The following PLCG2 variants were observed in gnomAD, a reference collection of about 807,000 sequenced individuals.
PLCG2 encodes phospholipase C gamma 2.
PLCG2 carries 69 observed loss-of-function variants against 175.6 expected under a neutral mutation model. That is an observed-to-expected ratio of 0.39 (90% CI 0.32 to 0.48). The LOEUF is 0.48. PLCG2 is among the 20% of genes least tolerant of loss of function. PLCG2 has a pLI of 0.91. For missense variants in PLCG2, 1,798 were observed against 1,650.9 expected (o/e 1.09, Z -1.54); for synonymous variants, 827 against 624.0 (o/e 1.33, Z -4.85).
intron 2 of PLCG2, among the ~76,000 whole-genome samples, chr16:81,853,442 C>T (rs986160396): frequency 7.2e-5 from 11 of 152,142 alleles, no homozygotes; most frequent in African/African-American, 2.2e-4. Context: ...TGACCAGTTT[C>T]ATAGAAGACA....
chr16:81,913,257 C>T (rs1460928116), intron 19 of PLCG2, among the ~76,000 whole-genome samples: 1 of 152,224 alleles, frequency 6.6e-6, no homozygotes, highest in African/African-American at 2.4e-5. Flanking sequence ...CCTACTGTCC[C>T]TCCATCTCCC....
intron 23 of PLCG2, among the ~76,000 whole-genome samples, 193 bp from the exon 24 acceptor site, chr16:81,928,365 C>G (rs867932237): frequency 4.6e-5 from 7 of 152,144 alleles, no homozygotes; most frequent in Admixed American, 2.0e-4. Flanking sequence ...TCCTGGCACC[C>G]TCTCCCCGCC....
chr16:81,821,576 C>T (rs983982357), intron 2 of PLCG2, among the ~76,000 whole-genome samples: 1 of 152,084 alleles, frequency 6.6e-6, no homozygotes, highest in African/African-American at 2.4e-5. Context: ...CTGCTCAGTG[C>T]TGGCCCTACT....
chr16:81,837,748 T>G, intron 2 of PLCG2, among the ~76,000 whole-genome samples: 1 of 151,460 alleles, frequency 6.6e-6, no homozygotes, highest in Non-Finnish European at 1.5e-5. Context: ...TTTGTTGAGA[T>G]AATTGAAGAA....
At chr16:81,920,807 C>G (rs1024224578) in intron 20 of PLCG2, among the ~76,000 whole-genome samples, 1 of 152,150 alleles carries the variant, frequency 6.6e-6, no homozygotes, top group African/African-American at 2.4e-5. Flanking sequence ...GTAAATACTT[C>G]CATGGAGGTC....
At chr16:81,790,914 G>T (rs1447982556) in intron 2 of PLCG2, among the ~76,000 whole-genome samples, 1 of 152,128 alleles carries the variant, frequency 6.6e-6, no homozygotes, top group South Asian at 2.1e-4. Flanking sequence ...AGGACAGTCC[G>T]CACCACAGAG....
intron 2 of PLCG2, among the ~76,000 whole-genome samples, chr16:81,790,979 A>T (rs1002629884): frequency 6.6e-6 from 1 of 152,214 alleles, no homozygotes; most frequent in Non-Finnish European, 1.5e-5. Flanking sequence ...CTCTAGAGTC[A>T]TGTGTTTGCT....
At chr16:81,919,374 C>G in intron 19 of PLCG2, 110 bp from the exon 20 acceptor site, 1 of 766,526 alleles carries the variant, frequency 1.3e-6, no homozygotes, top group South Asian at 1.7e-5. Flanking sequence ...TTTATTTACC[C>G]ACTTCTCTAA....
chr16:81,905,370 T>C (rs779237171), intron 14 of PLCG2, 33 bp from the exon 15 acceptor site: 35 of 1,520,830 alleles, frequency 2.3e-5, no homozygotes, highest in Middle Eastern at 3.4e-4. Context: ...TGGGTCTCCA[T>C]GGAGACAGCC....
At position 81,958,020 on chromosome 16, in the gene PLCG2, G is replaced by C. The variant is rs780306942; in HGVS notation, c.*22G>C. The C allele has an allele frequency of 6.4e-7, 1 of 1,570,932 alleles. No individual in the cohort carries two copies. The highest frequency in any genetic ancestry group is 1.1e-5 in the South Asian group (1 of 90,224). On this transcript the variant is annotated 3_prime_UTR_variant, in exon 33 of 33. Transcript: ENST00000564138. ...ATAGAAGCTGGGGTATGTGTGTAAG[G>C]GTATTGTGTGTGTGCGCATGTGTGT... is the stretch of plus-strand genomic sequence containing the variant.
In PLCG2 at chr16:81,924,847, T is replaced by G. The variant is rs147984797; in HGVS notation, c.2417+1253T>G. ...TCCCCTTGGAGGCTCCCAGACCCAG[T>G]TGGGCAACCACAGTGTTGTCCGTCT... On this transcript the variant is annotated intron_variant, in intron 22 of 32. Transcript: ENST00000564138. Among the ~76,000 whole-genome samples, 6 of 152,356 alleles carry G rather than the reference T, an allele frequency of 3.9e-5. No individual in the cohort carries two copies. In the South Asian group the frequency reaches 1.2e-3, roughly 32 times the overall value.
chr16:81,844,926 A>C (rs1286681943), intron 2 of PLCG2, among the ~76,000 whole-genome samples: 3 of 152,042 alleles, frequency 2.0e-5, no homozygotes, highest in Non-Finnish European at 2.9e-5. Flanking sequence ...AAATTGAGAC[A>C]CCATGTTCTT....
At chr16:81,854,692 A>G (rs141406568) in intron 3 of PLCG2, 105 bp downstream of exon 3, 2 of 1,029,984 alleles carry the variant, frequency 1.9e-6, no homozygotes, top group African/African-American at 1.6e-5. Context: ...ACTGATGTGT[A>G]TTTGGGGTCA....
intron 25 of PLCG2, among the ~76,000 whole-genome samples, chr16:81,932,127 A>T (rs1007490636): frequency 3.3e-5 from 5 of 152,074 alleles, no homozygotes; most frequent in African/African-American, 1.2e-4. Flanking sequence ...TCCCCTCTAG[A>T]TGGGAGTGAC....
intron 7 of PLCG2, among the ~76,000 whole-genome samples, chr16:81,871,587 C>A (rs1180401192): frequency 2.0e-5 from 3 of 152,208 alleles, no homozygotes; most frequent in African/African-American, 7.2e-5. Context: ...ATCGGCCCGC[C>A]TCCACTTCCT....
At chr16:81,766,956 C>T (rs1910163796) in intron 2 of PLCG2, 1 of 152,082 alleles carries the variant, frequency 6.6e-6, no homozygotes, top group African/African-American at 2.4e-5. Context: ...GTAGCTCCCC[C>T]TTATCCCCAG....
chr16:81,921,578 C>A, intron 21 of PLCG2: 1 of 389,360 alleles, frequency 2.6e-6, no homozygotes, highest in South Asian at 2.2e-5. Flanking sequence ...CTGACAGAGC[C>A]TGTGGTGTTT....
At chr16:81,828,408 T>G (rs372248398) in intron 2 of PLCG2, among the ~76,000 whole-genome samples, 1 of 151,754 alleles carries the variant, frequency 6.6e-6, no homozygotes, top group African/African-American at 2.4e-5. Context: ...CGGCTAATTT[T>G]TTTGTATTTT....
At chr16:81,849,430 C>A (rs1049582311) in intron 2 of PLCG2, among the ~76,000 whole-genome samples, 1 of 152,120 alleles carries the variant, frequency 6.6e-6, no homozygotes, top group Non-Finnish European at 1.5e-5. Context: ...TATAATTTTT[C>A]TGTAAGGACA....
Sources: gnomAD v4.1 joint callset for allele counts (sites outside exome capture counted in the v4.1 genomes callset) on GRCh38, gnomAD v4.1.1 for gene constraint, MANE v1.5 for transcripts, NCBI Gene and HGNC (gene_info 2026-07-23, HGNC 2026-07-21) for gene names.